The following VTI1A variants were observed in gnomAD, a reference collection of about 807,000 sequenced individuals.
VTI1A encodes vesicle transport through interaction with t-SNAREs homolog 1A.
A neutral mutation model predicts 34.9 loss-of-function variants in VTI1A; 22 were observed. That is an observed-to-expected ratio of 0.63 (90% confidence interval 0.45 to 0.90). The LOEUF (loss-of-function observed/expected upper bound fraction) is 0.90. Among genes scored for constraint, VTI1A ranks in the 40% least tolerant of loss-of-function variants. The probability of loss-of-function intolerance (pLI) is 0.00; values close to 1 mark genes in which losing one functional copy is unlikely to be tolerated. For synonymous variants in VTI1A, 87 were observed against 97.3 expected (o/e 0.89, Z 0.62); for missense variants, 268 against 275.6 (o/e 0.97, Z 0.20).
In VTI1A at chr10:112,546,015, T is replaced by TATACGTGTATACGCGTATGTGTGTGC. The variant is rs1564821397; in HGVS notation, c.427+7688_427+7689insCGTGTATACGCGTATGTGTGTGCATA. On this transcript the variant is annotated intron_variant, in intron 5 of 7. Transcript: ENST00000393077. ...ATACGTGTATACGCGTATGTGTGTG[T>TATACGTGTATACGCGTATGTGTGTGC]ATATACGTGTATACGCGTATGTGTG... Among the ~76,000 whole-genome samples, 26 of 135,610 alleles carry TATACGTGTATACGCGTATGTGTGTGC rather than the reference T, an allele frequency of 1.9e-4. 1 individual carries two copies. Among genetic ancestry groups the TATACGTGTATACGCGTATGTGTGTGC allele is most frequent in the Admixed American group, 4.2e-4 (6 of 14,394 alleles). 89.0% of individuals were successfully genotyped at this position (135,610 alleles called of 152,430 possible).
chr10:112,643,431 A>C (rs1252523367), intron 5 of VTI1A, among the ~76,000 whole-genome samples: 1 of 152,178 alleles, frequency 6.6e-6, no homozygotes, highest in African/African-American at 2.4e-5. Flanking sequence ...AAAATAATCC[A>C]AGACCATTTA....
At chr10:112,597,989 G>A (rs1347892789) in intron 5 of VTI1A, among the ~76,000 whole-genome samples, 3 of 152,068 alleles carry the variant, frequency 2.0e-5, no homozygotes, top group African/African-American at 7.2e-5. Flanking sequence ...GAGCCACCGC[G>A]CCCGGCCAAG....
At chr10:112,828,347 G>A in the VTI1A span, among the ~76,000 whole-genome samples, 8 of 152,058 alleles carry the variant, frequency 5.3e-5, no homozygotes, top group African/African-American at 1.7e-4. Context: ...CTTAATGGTA[G>A]AAAGATATTT....
At chr10:112,784,555 A>G (rs1852226319) in intron 7 of VTI1A, among the ~76,000 whole-genome samples, 1 of 152,212 alleles carries the variant, frequency 6.6e-6, no homozygotes, top group Non-Finnish European at 1.5e-5. Context: ...CTAATGTTTT[A>G]ACGCTAAATT....
downstream of VTI1A, among the ~76,000 whole-genome samples, chr10:112,822,991 G>A (rs1258263343): frequency 6.6e-6 from 1 of 152,184 alleles, no homozygotes; most frequent in African/African-American, 2.4e-5. Context: ...CCAATCCCGG[G>A]CAAGGTCATT....
At chr10:112,473,953 C>T (rs1848191109) in intron 3 of VTI1A, among the ~76,000 whole-genome samples, 1 of 152,164 alleles carries the variant, frequency 6.6e-6, no homozygotes, top group Non-Finnish European at 1.5e-5. Context: ...GTAATGCTAG[C>T]AAATTTGCAT....
At chr10:112,737,682 C>CTCAA in intron 7 of VTI1A, 1 of 1,055,016 alleles carries the variant, frequency 9.5e-7, no homozygotes. Context: ...CATCCATGTG[C>CTCAA]GGATGACTGT....
At chr10:112,548,851 T>G (rs1259715127) in intron 5 of VTI1A, 27 of 1,467,454 alleles carry the variant, frequency 1.8e-5, no homozygotes, top group Non-Finnish European at 2.2e-5. Flanking sequence ...ATCTTCCAGC[T>G]TTTTACCGGA....
rs543795999 is a variant in VTI1A, at chr10:112,579,210, T to C, written c.427+40880T>C. Among the ~76,000 whole-genome samples, 9 of 152,346 alleles carry C rather than the reference T, an allele frequency of 5.9e-5. No individual in the cohort carries two copies. The East Asian group carries it at 9.6e-4, about 16-fold the overall frequency. ...GTGAATCAGAAGAGGTGGACACTTA[T>C]GTGTGGAAAAATTCTAGGAAAACCT... is the stretch of plus-strand genomic sequence containing the variant. On this transcript the variant is annotated intron_variant, in intron 5 of 7. Coordinates refer to ENST00000393077, the MANE Select transcript of VTI1A (RefSeq NM_145206.4).
intron 7 of VTI1A, among the ~76,000 whole-genome samples, chr10:112,693,885 G>A (rs1848692732): frequency 6.6e-6 from 1 of 152,138 alleles, no homozygotes; most frequent in Non-Finnish European, 1.5e-5. Context: ...TGTAGAACAA[G>A]GCATTCCTGA....
rs933029138 is a variant in VTI1A, at chr10:112,557,943, G to C, written c.427+19613G>C. Among the ~76,000 whole-genome samples the C allele has an allele frequency of 3.3e-5, 5 of 152,284 alleles. No individual in the cohort carries two copies. In the South Asian group the frequency reaches 1.0e-3, roughly 32 times the overall value. On this transcript the variant is annotated intron_variant, in intron 5 of 7. Coordinates refer to ENST00000393077, the MANE Select transcript of VTI1A (RefSeq NM_145206.4). ...AACCTTTACATAGCAATTAGAAACAGATAAGAACAAAGATATTGTTCTTGA... is the reference window on the plus strand; with the variant it reads ...AACCTTTACATAGCAATTAGAAACACATAAGAACAAAGATATTGTTCTTGA...
At chr10:112,808,087 G>T (rs1020524868) in intron 7 of VTI1A, among the ~76,000 whole-genome samples, 1 of 150,940 alleles carries the variant, frequency 6.6e-6, no homozygotes, top group African/African-American at 2.4e-5. Context: ...GTGCGGTGGT[G>T]CATGCCTGTA....
intron 5 of VTI1A, among the ~76,000 whole-genome samples, chr10:112,665,991 A>G (rs186768829): frequency 1.4e-4 from 22 of 152,314 alleles, no homozygotes; most frequent in African/African-American, 5.3e-4. Flanking sequence ...GTGCTCATAT[A>G]TATTAAAAGT....
intron 7 of VTI1A, among the ~76,000 whole-genome samples, chr10:112,680,236 T>C (rs1321803056): frequency 2.0e-5 from 3 of 152,222 alleles, no homozygotes; most frequent in Non-Finnish European, 4.4e-5. Flanking sequence ...AAGTACGTCC[T>C]TAAAGACAAT....
chr10:112,785,933 A>AT (rs1852274455), intron 7 of VTI1A, among the ~76,000 whole-genome samples: 1 of 152,062 alleles, frequency 6.6e-6, no homozygotes, highest in African/African-American at 2.4e-5. Flanking sequence ...TTTCAAACTC[A>AT]TTTTTATACA....
chr10:112,772,144 G>T (rs1851829796), intron 7 of VTI1A, among the ~76,000 whole-genome samples: 1 of 152,224 alleles, frequency 6.6e-6, no homozygotes, highest in African/African-American at 2.4e-5. Context: ...TTCCAAAGCA[G>T]CTGTACTATT....
At chr10:112,719,469 G>T (rs997382552) in intron 7 of VTI1A, among the ~76,000 whole-genome samples, 6 of 151,540 alleles carry the variant, frequency 4.0e-5, no homozygotes, top group South Asian at 2.1e-4. Context: ...TATATAATGC[G>T]CCCATTTAAA....
intron 3 of VTI1A, among the ~76,000 whole-genome samples, chr10:112,516,327 A>G (rs1400589591): frequency 6.6e-6 from 1 of 152,086 alleles, no homozygotes; most frequent in Non-Finnish European, 1.5e-5. Context: ...TATATTTGAA[A>G]TTAAAGAAAA....
At chr10:112,815,130 T>TTC (rs1385538030) in intron 7 of VTI1A, among the ~76,000 whole-genome samples, 160 bp from the exon 8 acceptor site, 1 of 79,212 alleles carries the variant, frequency 1.3e-5, no homozygotes, top group Non-Finnish European at 2.5e-5. Context: ...TGATGTCTCT[T>TTC]TCGCGCGCGC....
Sources: gnomAD v4.1 joint callset for allele counts (sites outside exome capture counted in the v4.1 genomes callset) on GRCh38, gnomAD v4.1.1 for gene constraint, MANE v1.5 for transcripts, NCBI Gene and HGNC (gene_info 2026-07-23, HGNC 2026-07-21) for gene names.